Variants in TERB1 observed in about 807,000 individuals in gnomAD.
TERB1 encodes the protein telomere repeats-binding bouquet formation protein 1.
TERB1 carries 63 observed loss-of-function variants against 92.3 expected under a neutral mutation model. The ratio of observed to expected loss-of-function variants is 0.68; its 90% CI spans 0.56 to 0.84. The LOEUF (loss-of-function observed/expected upper bound fraction) is 0.84, where lower values mean the gene tolerates loss of function less well. Ranked by LOEUF, TERB1 falls within the 40% of genes least tolerant of loss-of-function variation. TERB1 has a pLI of 0.00. For missense variants in TERB1, 709 were observed against 843.7 expected (o/e 0.84, Z 1.98); for synonymous variants, 252 against 283.9 (o/e 0.89, Z 1.13).
At chr16:66,795,425 C>T (rs1267312758) in intron 3 of TERB1, among the ~76,000 whole-genome samples, 1 of 152,200 alleles carries the variant, frequency 6.6e-6, no homozygotes, top group Non-Finnish European at 1.5e-5. Flanking sequence ...ATAACATACT[C>T]TCTGTCTTCT....
At chr16:66,774,841 C>G (rs923537464) in intron 12 of TERB1, among the ~76,000 whole-genome samples, 1 of 151,948 alleles carries the variant, frequency 6.6e-6, no homozygotes, top group African/African-American at 2.4e-5. Context: ...CATGTGCCAC[C>G]ATGCCCAGAT....
At position 66,755,066 on chromosome 16, in the gene TERB1, C is replaced by T. The variant is rs764607584; in HGVS notation, c.2094G>A (p.Trp698Ter). 1 of 1,551,450 alleles carries T rather than the reference C, an allele frequency of 6.4e-7. No individual in the cohort carries two copies. Among genetic ancestry groups the T allele is most frequent in the African/African-American group, 1.4e-5 (1 of 73,034 alleles). Residue 698 changes from tryptophan (W) to a stop codon, truncating the protein, a stop_gained, in exon 19 of 19, where the codon TGG (tryptophan) becomes TGA (stop). Transcript: ENST00000433154. LOFTEE classifies it high-confidence loss of function. Reference protein sequence around the residue: ...KMGNHWNSILWSFPFQQGRKA... With the variant: ...KMGNHWNSIL Reference sequence around the variant, plus strand: ...TCCGTCCTTGCTGAAAGGGGAAAGACCACAAAATTGAATTCCAGTGATTTC... The same window carrying T: ...TCCGTCCTTGCTGAAAGGGGAAAGATCACAAAATTGAATTCCAGTGATTTC...
chr16:66,761,323 G>C (rs1428365373), intron 16 of TERB1, among the ~76,000 whole-genome samples: 2 of 150,990 alleles, frequency 1.3e-5, no homozygotes, highest in Non-Finnish European at 3.0e-5. Context: ...ATGACGGCAG[G>C]TGCCTGTAAT....
At chr16:66,782,609 G>T (rs559579287) in intron 9 of TERB1, among the ~76,000 whole-genome samples, 3 of 149,806 alleles carry the variant, frequency 2.0e-5, no homozygotes, top group African/African-American at 7.3e-5. Flanking sequence ...ACGCTTTCTT[G>T]ATTTCTGTAT....
intron 9 of TERB1, among the ~76,000 whole-genome samples, chr16:66,785,329 C>G (rs2018710404): frequency 6.6e-6 from 1 of 152,154 alleles, no homozygotes. Context: ...AGGCGTGAGC[C>G]ACCATGCCTG....
chr16:66,785,352 A>C (rs542139128), intron 9 of TERB1, among the ~76,000 whole-genome samples: 1 of 152,058 alleles, frequency 6.6e-6, no homozygotes. Context: ...CTAATGTTGT[A>C]TTTTCATTAT....
chr16:66,776,303 T>C (rs1173479087), intron 11 of TERB1, among the ~76,000 whole-genome samples: 4 of 141,558 alleles, frequency 2.8e-5, no homozygotes, highest in Non-Finnish European at 4.5e-5. Context: ...CACTCCAGCC[T>C]GGGCAACAAG....
intron 16 of TERB1, among the ~76,000 whole-genome samples, chr16:66,761,403 G>A (rs1289966280): frequency 7.3e-6 from 1 of 137,672 alleles, no homozygotes; most frequent in Non-Finnish European, 1.5e-5. Flanking sequence ...AGTGAGCTGA[G>A]ACTGTACCAT....
At chr16:66,759,740 G>C (rs1219288676) in intron 16 of TERB1, among the ~76,000 whole-genome samples, 3 of 144,200 alleles carry the variant, frequency 2.1e-5, no homozygotes, top group Non-Finnish European at 4.5e-5. Flanking sequence ...GGAGGTTTCA[G>C]TGAGCTGAGA....
intron 3 of TERB1, among the ~76,000 whole-genome samples, chr16:66,794,188 C>T (rs1282909976): frequency 1.3e-5 from 2 of 152,108 alleles, no homozygotes; most frequent in Admixed American, 1.3e-4. Flanking sequence ...TAGCCTCAAC[C>T]TCCTGGGCTC....
rs189708354 is a variant in TERB1 at position 66,770,205 on chromosome 16, G to T, written c.1377C>A (p.Ser459Arg). 1.1e-3 allele frequency: 1,656 copies of T among 1,552,216 alleles called. 3 individuals are homozygous for T. Among genetic ancestry groups the T allele is most frequent in the Non-Finnish European group, 1.3e-3 (1,531 of 1,147,100 alleles). The stretch of plus-strand genomic sequence containing the variant: ...GGCTTTTATCCTCATCTTCTGCTTT[G>T]CTACCTCGACCAATCCGATCTGCAT... Reference protein sequence around the residue: ...HLHADRIGRGSKAEDEDKSHS... With the variant: ...HLHADRIGRGRKAEDEDKSHS... Residue 459 changes from serine to arginine, a missense_variant, in exon 14 of 19, where the codon AGC becomes AGA. By Grantham distance (110) the Ser-to-Arg change is moderately radical (BLOSUM62 -1). Transcript: ENST00000433154.
chr16:66,769,527 C>T lies in TERB1; in HGVS notation c.1619+436G>A, dbSNP rs185244185. 5.5e-3 allele frequency among the ~76,000 whole-genome samples: 842 copies of T among 152,282 alleles called. 5 individuals carry two copies. The highest frequency in any genetic ancestry group is 0.019 in the African/African-American group (791 of 41,564). ...AAAGTGCAGGGAACAAACAAAAGGG[C>T]AAACCCAAACCAAATTTTCTTCACA... On this transcript the variant is annotated intron_variant, in intron 14 of 18. Transcript: ENST00000433154.
At chr16:66,766,138 TG>T (rs1172455856) in intron 16 of TERB1, among the ~76,000 whole-genome samples, 1 of 152,014 alleles carries the variant, frequency 6.6e-6, no homozygotes, top group African/African-American at 2.4e-5. Context: ...CCCAAAGTGC[TG>T]GGATTACAGG....
chr16:66,784,025 G>A (rs1197604169), intron 9 of TERB1, among the ~76,000 whole-genome samples: 1 of 152,188 alleles, frequency 6.6e-6, no homozygotes, highest in Non-Finnish European at 1.5e-5. Flanking sequence ...ACTCATCTAA[G>A]TTGTTAAATG....
intron 6 of TERB1, among the ~76,000 whole-genome samples, chr16:66,786,749 A>G (rs1407817869): frequency 6.6e-6 from 1 of 152,108 alleles, no homozygotes; most frequent in Non-Finnish European, 1.5e-5. Context: ...GATCCTCCCC[A>G]TGGAAACAAT....
rs538591497 is a variant in TERB1 at position 66,754,888 on chromosome 16, C to T, written c.*88G>A. 1 of 1,215,444 alleles carries T rather than the reference C, an allele frequency of 8.2e-7. No individual in the cohort carries two copies. The highest frequency in any genetic ancestry group is 2.8e-5 in the Admixed American group (1 of 35,882). The allele number at this position is 1,215,444 out of a possible 1,614,324, so 75.3% of individuals were successfully genotyped here. The stretch of plus-strand genomic sequence containing the variant: ...GTATCCTCATTTCCACATTCCTTCT[C>T]ATGAGAGTTTAGAAAAATACTTTAA... On this transcript the variant is annotated 3_prime_UTR_variant, in exon 19 of 19. Transcript: ENST00000433154.
chr16:66,772,615 C>T lies in TERB1; in HGVS notation c.1246G>A (p.Glu416Lys). The T allele has an allele frequency of 6.4e-7, 1 of 1,551,314 alleles. No individual in the cohort carries two copies. Among genetic ancestry groups the T allele is most frequent in the African/African-American group, 1.4e-5 (1 of 73,130 alleles). The change falls in exon 13 of 19, where the codon GAA becomes AAA. Residue 416 changes from glutamate to lysine, a missense_variant. Coordinates refer to ENST00000433154, the MANE Select transcript of TERB1 (RefSeq NM_001136505.2). The stretch of plus-strand genomic sequence containing the variant: ...TCATTTCCTTCTCTTTCAAGCTGTT[C>T]TATTCTGTGTAGAATTTCCTTTGCT... Reference protein sequence around the residue: ...RKAKEILHRIEQLEREGNEEE... With the variant: ...RKAKEILHRIKQLEREGNEEE...
chr16:66,773,393 C>CTT (rs111259842), intron 12 of TERB1, among the ~76,000 whole-genome samples: 10 of 141,540 alleles, frequency 7.1e-5, no homozygotes, highest in African/African-American at 3.1e-4. Context: ...TCCTATAATC[C>CTT]TTTTTTTTTA....
chr16:66,772,795 C>G (rs537078053), intron 12 of TERB1, 46 bp from the exon 13 acceptor site: 2 of 1,424,778 alleles, frequency 1.4e-6, no homozygotes, highest in Non-Finnish European at 1.9e-6. Context: ...TATTTAAACA[C>G]TTTATATATA....
Sources: gnomAD v4.1 joint callset for allele counts (sites outside exome capture counted in the v4.1 genomes callset) on GRCh38, gnomAD v4.1.1 for gene constraint, MANE v1.5 for transcripts, NCBI Gene and HGNC (gene_info 2026-07-23, HGNC 2026-07-21) for gene names.